The following GHR variants were observed in gnomAD, a reference collection of about 807,000 sequenced individuals.
GHR encodes growth hormone receptor.
Under a neutral mutation model 67.1 loss-of-function variants are expected in GHR, and 35 were observed. That is an observed-to-expected ratio of 0.52 (90% CI 0.40 to 0.69). The LOEUF is 0.69. Ranked by LOEUF, GHR falls within the 30% of genes least tolerant of loss-of-function variation. The pLI, the probability that GHR is intolerant of heterozygous loss-of-function variation, is 0.00. For missense variants in GHR, 792 were observed against 764.6 expected (o/e 1.04, Z -0.42); for synonymous variants, 272 against 269.1 (o/e 1.01, Z -0.10).
rs34929920 is a variant in GHR, at chr5:42,719,788, C to T, written c.*364C>T. On this transcript the variant is annotated 3_prime_UTR_variant, in exon 10 of 10. Transcript: ENST00000230882. ...AAGCGAAAAAATCAGGTGGCTTTTG[C>T]GGTTCAGGAAAATTGAATGCAAACC... is the stretch of plus-strand genomic sequence containing the variant. 648 of 289,540 alleles carry T rather than the reference C, an allele frequency of 2.2e-3. 5 individuals are homozygous for T. Among genetic ancestry groups the T allele is most frequent in the Admixed American group, 3.7e-3 (81 of 22,028 alleles). The allele number at this position is 289,540 out of a possible 1,614,324, so 17.9% of individuals were successfully genotyped here. A position where few individuals can be genotyped will look rare whatever the true frequency, so the allele number is the denominator to read the frequency against.
Position 42,695,030 on chromosome 5 carries a change from T to C in GHR, c.380T>C (p.Ile127Thr). The C allele has an allele frequency of 6.2e-7, 1 of 1,610,456 alleles. No homozygotes were observed. The highest frequency in any genetic ancestry group is 1.1e-5 in the South Asian group (1 of 91,002). ...SFTSIWIPYC[I>T]KLTSNGGTVD... Reference sequence around the variant, plus strand: ...ACCTCCATCTGGATACCTTATTGTATCAAGCTAACTAGCAATGGTGGTACA... The same window carrying C: ...ACCTCCATCTGGATACCTTATTGTACCAAGCTAACTAGCAATGGTGGTACA... The change falls in exon 5 of 10, where the codon ATC becomes ACC. Residue 127 changes from isoleucine to threonine, a missense_variant. Transcript: ENST00000230882.
At chr5:42,462,797 A>G (rs1371017477) in intron 1 of GHR, among the ~76,000 whole-genome samples, 1 of 152,128 alleles carries the variant, frequency 6.6e-6, no homozygotes, top group East Asian at 1.9e-4. Context: ...CCTATTGCAT[A>G]GTTTTATAAT....
intron 6 of GHR, among the ~76,000 whole-genome samples, chr5:42,701,425 C>T (rs1757921396): frequency 6.6e-6 from 1 of 152,118 alleles, no homozygotes; most frequent in Admixed American, 6.5e-5. Context: ...ATGTCTGCTG[C>T]GTACTGAGGT....
chr5:42,676,588 T>A (rs1460973023), intron 3 of GHR, among the ~76,000 whole-genome samples: 1 of 150,962 alleles, frequency 6.6e-6, no homozygotes, highest in Non-Finnish European at 1.5e-5. Flanking sequence ...CACCATAGGT[T>A]AAAAAAAAAG....
chr5:42,457,827 C>A (rs11747975), intron 1 of GHR, among the ~76,000 whole-genome samples: 24,711 of 152,050 alleles, frequency 0.16, 2,238 homozygotes, highest in Middle Eastern at 0.27. Flanking sequence ...CCTATTCTTA[C>A]CCCCTGCAAA....
At chr5:42,429,162 T>A (rs1172908341) in intron 1 of GHR, among the ~76,000 whole-genome samples, 1 of 152,216 alleles carries the variant, frequency 6.6e-6, no homozygotes, top group Non-Finnish European at 1.5e-5. Context: ...GGCCTCTCAA[T>A]CATGGCAGAA....
intron 1 of GHR, among the ~76,000 whole-genome samples, chr5:42,492,610 T>C (rs1169062746): frequency 6.6e-6 from 1 of 152,206 alleles, no homozygotes; most frequent in Non-Finnish European, 1.5e-5. Flanking sequence ...TTAAAAGTAA[T>C]TAACTAGTGG....
At chr5:42,609,666 C>A (rs1752793382) in intron 2 of GHR, among the ~76,000 whole-genome samples, 1 of 152,104 alleles carries the variant, frequency 6.6e-6, no homozygotes, top group Admixed American at 6.5e-5. Context: ...AGTTCTAGAT[C>A]ACTGGTTCAA....
chr5:42,507,752 G>T (rs1205746899), intron 1 of GHR, among the ~76,000 whole-genome samples: 1 of 152,268 alleles, frequency 6.6e-6, no homozygotes, highest in East Asian at 1.9e-4. Context: ...GAGAGGGCCG[G>T]AGCCATGGAG....
intron 2 of GHR, among the ~76,000 whole-genome samples, chr5:42,576,971 C>A (rs1227825361): frequency 6.6e-6 from 1 of 152,166 alleles, no homozygotes; most frequent in East Asian, 1.9e-4. Flanking sequence ...TCAGTAGAGA[C>A]CAATCTCCTC....
At chr5:42,562,886 C>T (rs572972471) in intron 1 of GHR, among the ~76,000 whole-genome samples, 2 of 151,882 alleles carry the variant, frequency 1.3e-5, no homozygotes, top group Admixed American at 1.3e-4. Flanking sequence ...CCTGACCTCA[C>T]GATCTGCCTG....
chr5:42,540,130 A>G (rs1748437384), intron 1 of GHR, among the ~76,000 whole-genome samples: 1 of 151,212 alleles, frequency 6.6e-6, no homozygotes, highest in Admixed American at 6.6e-5. Context: ...CTGATATTAA[A>G]CTATCCTTGC....
At chr5:42,544,935 A>T (rs1223460466) in intron 1 of GHR, among the ~76,000 whole-genome samples, 2 of 152,118 alleles carry the variant, frequency 1.3e-5, no homozygotes, top group African/African-American at 4.8e-5. Flanking sequence ...GTTTGAGGGT[A>T]GTTGGAGGGG....
chr5:42,658,420 T>A (rs1231949859), intron 3 of GHR, among the ~76,000 whole-genome samples: 1 of 152,178 alleles, frequency 6.6e-6, no homozygotes, highest in Non-Finnish European at 1.5e-5. Context: ...ATATACAGCA[T>A]ACTCCACAGA....
At chr5:42,583,108 T>G (rs1195330073) in intron 2 of GHR, among the ~76,000 whole-genome samples, 3 of 152,208 alleles carry the variant, frequency 2.0e-5, no homozygotes, top group Non-Finnish European at 4.4e-5. Context: ...CACAAAAGTT[T>G]CCAGCTGGAA....
chr5:42,656,475 T>C (rs930298868), intron 3 of GHR, among the ~76,000 whole-genome samples: 3 of 152,138 alleles, frequency 2.0e-5, no homozygotes, highest in African/African-American at 7.2e-5. Flanking sequence ...CCTGATGTCG[T>C]ATCTTGCAAC....
chr5:42,452,750 T>C (rs1394064585), intron 1 of GHR, among the ~76,000 whole-genome samples: 1 of 152,182 alleles, frequency 6.6e-6, no homozygotes, highest in Admixed American at 6.5e-5. Flanking sequence ...GTTGTGGATG[T>C]TTTTCTTTAT....
intron 3 of GHR, among the ~76,000 whole-genome samples, chr5:42,642,614 A>C (rs550339244): frequency 1.2e-4 from 18 of 152,168 alleles, no homozygotes; most frequent in Non-Finnish European, 2.6e-4. Flanking sequence ...GTAAATACAC[A>C]TGCAGGACCT....
chr5:42,678,168 A>G (rs1756662738), intron 3 of GHR, among the ~76,000 whole-genome samples: 1 of 152,200 alleles, frequency 6.6e-6, no homozygotes, highest in African/African-American at 2.4e-5. Flanking sequence ...AATTTGCCCA[A>G]GATTACAGAT....
Sources: gnomAD v4.1 joint callset for allele counts (sites outside exome capture counted in the v4.1 genomes callset) on GRCh38, gnomAD v4.1.1 for gene constraint, MANE v1.5 for transcripts, NCBI Gene and HGNC (gene_info 2026-07-23, HGNC 2026-07-21) for gene names.